RUNDC3B: variants seen among roughly 807,000 people sequenced by gnomAD.
The protein encoded by RUNDC3B is RUN domain containing 3B.
A neutral mutation model predicts 58.4 loss-of-function variants in RUNDC3B; 33 were observed. That is an observed-to-expected ratio of 0.56 (90% CI 0.43 to 0.75). The LOEUF (loss-of-function observed/expected upper bound fraction) is 0.75. Among genes scored for constraint, RUNDC3B ranks in the 30% least tolerant of loss-of-function variants. The pLI is 0.00. For synonymous variants in RUNDC3B, 193 were observed against 195.2 expected (o/e 0.99, Z 0.10); for missense variants, 501 against 535.7 (o/e 0.94, Z 0.64).
At chr7:87,799,617 G>A (rs572935878) in intron 8 of RUNDC3B, among the ~76,000 whole-genome samples, 16 of 152,130 alleles carry the variant, frequency 1.1e-4, no homozygotes, top group African/African-American at 3.4e-4. Context: ...GGCCAGGCGC[G>A]GTGGTTCATG....
At chr7:87,810,270 C>T (rs1836641893) in intron 9 of RUNDC3B, among the ~76,000 whole-genome samples, 1 of 152,156 alleles carries the variant, frequency 6.6e-6, no homozygotes, top group Admixed American at 6.5e-5. Flanking sequence ...GAGCTCTGCC[C>T]AGCAGTGGAT....
chr7:87,634,869 G>C (rs1443683960), intron 1 of RUNDC3B, among the ~76,000 whole-genome samples: 1 of 152,040 alleles, frequency 6.6e-6, no homozygotes, highest in Non-Finnish European at 1.5e-5. Flanking sequence ...TATTTCTAAG[G>C]ATTCTTCATG....
chr7:87,741,363 CAATT>C (rs1832315531), intron 5 of RUNDC3B, 132 bp from the exon 6 acceptor site: 2 of 526,530 alleles, frequency 3.8e-6, no homozygotes, highest in Admixed American at 3.5e-5. Flanking sequence ...TGACAAGTAA[CAATT>C]AAATTGCAAA....
chr7:87,706,165 T>C (rs1271295680), intron 3 of RUNDC3B, among the ~76,000 whole-genome samples: 1 of 152,208 alleles, frequency 6.6e-6, no homozygotes, highest in Non-Finnish European at 1.5e-5. Context: ...TCCATGCATC[T>C]TTCCATCCAA....
At chr7:87,750,330 A>G (rs2130829748) in intron 6 of RUNDC3B, among the ~76,000 whole-genome samples, 1 of 151,868 alleles carries the variant, frequency 6.6e-6, no homozygotes, top group East Asian at 1.9e-4. Context: ...ATAATGCCGC[A>G]ATAAACATAC....
At chr7:87,795,189 C>A (rs1038133757) in intron 8 of RUNDC3B, among the ~76,000 whole-genome samples, 6 of 152,316 alleles carry the variant, frequency 3.9e-5, no homozygotes, top group African/African-American at 1.4e-4. Flanking sequence ...AGTAAAGACA[C>A]AACCCCACAT....
chr7:87,694,100 GTTTT>G, intron 2 of RUNDC3B: 6 of 1,175,904 alleles, frequency 5.1e-6, no homozygotes, highest in Non-Finnish European at 5.6e-6. Context: ...GTGTGTTTTT[GTTTT>G]TTTTTTTTAA....
chr7:87,821,346 C>A (rs2130961893), intron 10 of RUNDC3B, among the ~76,000 whole-genome samples: 1 of 152,158 alleles, frequency 6.6e-6, no homozygotes, highest in South Asian at 2.1e-4. Context: ...ATGTGAAGGA[C>A]CTTTTCAAGC....
chr7:87,796,763 C>T (rs1395912976), intron 8 of RUNDC3B, among the ~76,000 whole-genome samples: 2 of 152,098 alleles, frequency 1.3e-5, no homozygotes, highest in Non-Finnish European at 2.9e-5. Flanking sequence ...AAGCTGAAGA[C>T]ATTCATTACT....
At chr7:87,659,550 A>G (rs1169682245) in intron 2 of RUNDC3B, among the ~76,000 whole-genome samples, 1 of 152,108 alleles carries the variant, frequency 6.6e-6, no homozygotes, top group Admixed American at 6.6e-5. Context: ...ACCACATTAG[A>G]CAGTGTTATA....
intron 8 of RUNDC3B, among the ~76,000 whole-genome samples, chr7:87,781,423 T>C (rs1463661278): frequency 6.6e-6 from 1 of 152,132 alleles, no homozygotes; most frequent in Non-Finnish European, 1.5e-5. Context: ...AATTATATCA[T>C]CAGGAAAGAG....
chr7:87,715,819 G>T (rs1330367459), intron 4 of RUNDC3B, among the ~76,000 whole-genome samples: 2 of 151,842 alleles, frequency 1.3e-5, no homozygotes. Context: ...CTTATTAACT[G>T]ACCAATTACT....
At chr7:87,801,857 T>G (rs544794026) in intron 8 of RUNDC3B, among the ~76,000 whole-genome samples, 5 of 152,210 alleles carry the variant, frequency 3.3e-5, no homozygotes, top group Admixed American at 2.6e-4. Context: ...TGATAAATCT[T>G]CACAAATTGA....
chr7:87,678,025 G>A (rs28746486), intron 2 of RUNDC3B, among the ~76,000 whole-genome samples: 9 of 152,178 alleles, frequency 5.9e-5, no homozygotes, highest in Non-Finnish European at 1.3e-4. Context: ...AGCAAATCTG[G>A]TCTAAAAGAA....
intron 8 of RUNDC3B, among the ~76,000 whole-genome samples, chr7:87,786,348 C>CA (rs1205882830): frequency 6.6e-6 from 1 of 150,750 alleles, no homozygotes; most frequent in African/African-American, 2.4e-5. Flanking sequence ...TATTAAGGAA[C>CA]AAAAAATTTT....
At chr7:87,671,717 A>G (rs1825840751) in intron 2 of RUNDC3B, among the ~76,000 whole-genome samples, 1 of 152,010 alleles carries the variant, frequency 6.6e-6, no homozygotes, top group African/African-American at 2.4e-5. Context: ...CCACTTAAAA[A>G]CGCAGTCTTA....
chr7:87,679,531 A>G (rs1252027589), intron 2 of RUNDC3B, among the ~76,000 whole-genome samples: 1 of 150,054 alleles, frequency 6.7e-6, no homozygotes, highest in Non-Finnish European at 1.5e-5. Flanking sequence ...CTGGGACTAC[A>G]GGCACACACC....
At chr7:87,722,270 T>A (rs181465270) in intron 4 of RUNDC3B, among the ~76,000 whole-genome samples, 1 of 152,098 alleles carries the variant, frequency 6.6e-6, no homozygotes, top group African/African-American at 2.4e-5. Flanking sequence ...TTATTAACTA[T>A]TGTCACCATT....
chr7:87,671,412 C>G (rs1825812053), intron 2 of RUNDC3B, among the ~76,000 whole-genome samples: 1 of 152,106 alleles, frequency 6.6e-6, no homozygotes, highest in South Asian at 2.1e-4. Flanking sequence ...GAGACACAAG[C>G]CTGGAAGACC....
Sources: gnomAD v4.1 joint callset for allele counts (sites outside exome capture counted in the v4.1 genomes callset) on GRCh38, gnomAD v4.1.1 for gene constraint, MANE v1.5 for transcripts, NCBI Gene and HGNC (gene_info 2026-07-23, HGNC 2026-07-21) for gene names.